Variants in KCND3 observed in about 807,000 individuals in gnomAD.
KCND3 encodes A-type voltage-gated potassium channel KCND3.
A neutral mutation model predicts 51.1 loss-of-function variants in KCND3; 9 were observed. The observed-to-expected ratio is 0.18, with a 90% CI of 0.11 to 0.31. The LOEUF (loss-of-function observed/expected upper bound fraction) is 0.31, where lower values mean the gene tolerates loss of function less well. Ranked by LOEUF, KCND3 falls within the 10% of genes least tolerant of loss-of-function variation. The pLI is 1.00. For missense variants in KCND3, 526 were observed against 903.8 expected (o/e 0.58, Z 5.36); for synonymous variants, 349 against 368.0 (o/e 0.95, Z 0.59).
chr1:111,912,518 A>C (rs1671007634), intron 2 of KCND3, among the ~76,000 whole-genome samples: 1 of 152,210 alleles, frequency 6.6e-6, no homozygotes, highest in African/African-American at 2.4e-5. Flanking sequence ...AAAAAAAAGA[A>C]AGTTAACTGT....
intron 2 of KCND3, among the ~76,000 whole-genome samples, chr1:111,808,288 CA>C (rs1177150558): frequency 1.3e-5 from 2 of 152,182 alleles, no homozygotes; most frequent in African/African-American, 2.4e-5. Flanking sequence ...TGACGTCTGC[CA>C]CTCCATTTCT....
intron 2 of KCND3, among the ~76,000 whole-genome samples, chr1:111,885,542 T>A (rs1327516959): frequency 6.6e-6 from 1 of 152,182 alleles, no homozygotes; most frequent in Non-Finnish European, 1.5e-5. Context: ...TAGAGCTGCA[T>A]AAGGGAGCCC....
rs143867084 is a variant in KCND3, at chr1:111,916,167, G to A, written c.1106+65454C>T. ...ATAAATCACTGGCTAAGATAAGACC[G>A]TATTCTAGACTATAAAGTCTTAATA... On this transcript the variant is annotated intron_variant, in intron 2 of 7. Transcript: ENST00000302127. 2.4e-3 allele frequency among the ~76,000 whole-genome samples: 363 copies of A among 152,196 alleles called. 1 individual carries two copies. Among genetic ancestry groups the A allele is most frequent in the African/African-American group, 8.3e-3 (344 of 41,536 alleles).
rs537763183 is a variant in KCND3, at chr1:111,796,730, A to C, written c.1107-9624T>G. On this transcript the variant is annotated intron_variant, in intron 2 of 7. Coordinates refer to ENST00000302127, the MANE Select transcript of KCND3 (RefSeq NM_001378969.1). The stretch of plus-strand genomic sequence containing the variant: ...ACCTGCACTTGTACCCCTGAACTTA[A>C]AGTTAAATAAAAAACAAAAGAACAG... Among the ~76,000 whole-genome samples the C allele has an allele frequency of 5.3e-5, 8 of 152,280 alleles. No individual in the cohort carries two copies. The South Asian group carries it at 1.2e-3, about 24-fold the overall frequency.
chr1:111,793,140 C>G (rs1172214842), intron 2 of KCND3, among the ~76,000 whole-genome samples: 1 of 150,432 alleles, frequency 6.6e-6, no homozygotes, highest in Non-Finnish European at 1.5e-5. Flanking sequence ...ACTGGGATTG[C>G]AGGTGTGAGC....
At chr1:111,785,252 C>T (rs1466116200) in intron 3 of KCND3, among the ~76,000 whole-genome samples, 4 of 152,180 alleles carry the variant, frequency 2.6e-5, no homozygotes, top group Admixed American at 1.3e-4. Context: ...ACTAGAGGAT[C>T]CCTGGCCCTT....
chr1:111,937,078 C>T (rs1417465592), intron 2 of KCND3, among the ~76,000 whole-genome samples: 2 of 152,106 alleles, frequency 1.3e-5, no homozygotes, highest in Non-Finnish European at 2.9e-5. Context: ...AGTAGGCAGA[C>T]ATTGATGGAT....
intron 2 of KCND3, among the ~76,000 whole-genome samples, chr1:111,942,018 A>T (rs1672545749): frequency 6.6e-6 from 1 of 152,104 alleles, no homozygotes; most frequent in Admixed American, 6.5e-5. Context: ...CTATCAGCTT[A>T]TCCTGCTCCA....
chr1:111,935,152 G>A (rs1459931145), intron 2 of KCND3, among the ~76,000 whole-genome samples: 2 of 152,146 alleles, frequency 1.3e-5, no homozygotes, highest in Non-Finnish European at 2.9e-5. Context: ...AAATTCCCAA[G>A]GACGAACTTT....
intron 2 of KCND3, among the ~76,000 whole-genome samples, chr1:111,939,687 C>A (rs1026811258): frequency 2.0e-5 from 3 of 152,160 alleles, no homozygotes; most frequent in East Asian, 3.8e-4. Context: ...AATAAACATA[C>A]GTGTGCATGT....
At chr1:111,788,141 A>C (rs781517816) in intron 2 of KCND3, among the ~76,000 whole-genome samples, 2 of 152,256 alleles carry the variant, frequency 1.3e-5, no homozygotes, top group African/African-American at 4.8e-5. Context: ...CATGCAGGCC[A>C]GAGCCTCTGT....
At chr1:111,839,460 C>A (rs940698849) in intron 2 of KCND3, among the ~76,000 whole-genome samples, 1 of 152,232 alleles carries the variant, frequency 6.6e-6, no homozygotes, top group Non-Finnish European at 1.5e-5. Flanking sequence ...TTGGACAAAG[C>A]TAACATTATG....
chr1:111,983,496 C>T (rs1172387615), intron 1 of KCND3, among the ~76,000 whole-genome samples: 1 of 152,146 alleles, frequency 6.6e-6, no homozygotes, highest in Non-Finnish European at 1.5e-5. Context: ...CCCCTCAGAC[C>T]CTCAGAGCCA....
In KCND3 at chr1:111,886,735, C is replaced by T. The variant is rs752755412; in HGVS notation, c.1106+94886G>A. ...AACATCCTGGCCAAGGCACTTACTT[C>T]ATTGTCATTTTAACCAAAAGGAGAA... On this transcript the variant is annotated intron_variant, in intron 2 of 7. Transcript: ENST00000302127. Among the ~76,000 whole-genome samples, 30 of 152,222 alleles carry T rather than the reference C, an allele frequency of 2.0e-4. 1 individual carries two copies. Among genetic ancestry groups the T allele is most frequent in the Non-Finnish European group, 4.0e-4 (27 of 68,036 alleles).
At chr1:111,856,005 A>C (rs901395966) in intron 2 of KCND3, among the ~76,000 whole-genome samples, 1 of 152,000 alleles carries the variant, frequency 6.6e-6, no homozygotes, top group African/African-American at 2.4e-5. Flanking sequence ...CCCCAACCTC[A>C]CCCTCTTTTC....
chr1:111,869,920 C>CAT (rs762731412), intron 2 of KCND3, among the ~76,000 whole-genome samples: 10 of 151,872 alleles, frequency 6.6e-5, no homozygotes, highest in Non-Finnish European at 1.2e-4. Context: ...CACACACACA[C>CAT]GTACAGACAC....
chr1:111,946,461 G>A (rs1465941479), intron 2 of KCND3, among the ~76,000 whole-genome samples: 1 of 152,206 alleles, frequency 6.6e-6, no homozygotes, highest in African/African-American at 2.4e-5. Flanking sequence ...TGGGAGCAAT[G>A]TTGTCTGAGT....
intron 2 of KCND3, among the ~76,000 whole-genome samples, chr1:111,825,564 A>AT (rs948549614): frequency 6.6e-6 from 1 of 152,120 alleles, no homozygotes; most frequent in Non-Finnish European, 1.5e-5. Context: ...AATAAAGTTT[A>AT]TTTTTTCCAT....
intron 3 of KCND3, among the ~76,000 whole-genome samples, chr1:111,781,838 A>G (rs959037859): frequency 6.6e-6 from 1 of 152,082 alleles, no homozygotes; most frequent in Non-Finnish European, 1.5e-5. Context: ...CTTCCTAATG[A>G]CTGTAATCAT....
Sources: gnomAD v4.1 joint callset for allele counts (sites outside exome capture counted in the v4.1 genomes callset) on GRCh38, gnomAD v4.1.1 for gene constraint, MANE v1.5 for transcripts, NCBI Gene and HGNC (gene_info 2026-07-23, HGNC 2026-07-21) for gene names.